The following PLEKHG7 variants were observed in gnomAD, a reference collection of about 807,000 sequenced individuals.
PLEKHG7 encodes the protein pleckstrin homology and RhoGEF domain containing G7.
A neutral mutation model predicts 85.2 loss-of-function variants in PLEKHG7; 77 were observed. The observed-to-expected ratio is 0.90, with a 90% CI of 0.75 to 1.09. The LOEUF (loss-of-function observed/expected upper bound fraction) is 1.09. Ranked by LOEUF, PLEKHG7 falls within the 50% of genes least tolerant of loss-of-function variation. The pLI, the probability that PLEKHG7 is intolerant of heterozygous loss-of-function variation, is 0.00. For missense variants in PLEKHG7, 777 were observed against 804.3 expected (o/e 0.97, Z 0.41); for synonymous variants, 301 against 302.4 (o/e 1.00, Z 0.05).
intron 1 of PLEKHG7, among the ~76,000 whole-genome samples, chr12:92,704,384 G>T (rs1405266112): frequency 6.6e-6 from 1 of 152,166 alleles, no homozygotes; most frequent in African/African-American, 2.4e-5. Context: ...TTTATCAATG[G>T]TAGGGAGGGA....
In PLEKHG7 at chr12:92,711,888, C is replaced by T. The variant is rs532847085; in HGVS notation, c.530+4216C>T. On this transcript the variant is annotated intron_variant, in intron 3 of 16. Coordinates refer to ENST00000344636, the MANE Select transcript of PLEKHG7 (RefSeq NM_001377329.1). Reference sequence around the variant, plus strand: ...CCTTTCAGGTCACTCGATAAATGGGCCAGAGTAACACACCCAAATGAGGAA... The same window carrying T: ...CCTTTCAGGTCACTCGATAAATGGGTCAGAGTAACACACCCAAATGAGGAA... Among the ~76,000 whole-genome samples the T allele has an allele frequency of 5.2e-4, 79 of 152,172 alleles. 1 individual carries two copies. The highest frequency in any genetic ancestry group is 5.3e-4 in the Non-Finnish European group (36 of 68,026).
chr12:92,729,048 T>C lies in PLEKHG7; in HGVS notation c.586T>C (p.Phe196Leu). Residue 196 changes from phenylalanine (F) to leucine (L), a missense_variant, in exon 4 of 17, where the codon TTC (phenylalanine) becomes CTC (leucine). This residue lies in a region of PLEKHG7 where 252 missense variants were observed against 241.9 expected (regional missense o/e 1.04). Transcript: ENST00000344636. ...GCTGAACTTACCTGGACTTGAGGTG[T>C]TCCCCGGGGACCTTCTGGTGTCAGA... ...VVLNLPGLEVFPGDLLVSDGA... is the reference protein window; with the variant it reads ...VVLNLPGLEVLPGDLLVSDGA... The C allele has an allele frequency of 8.1e-7, 1 of 1,231,842 alleles. No individual in the cohort carries two copies. Among genetic ancestry groups the C allele is most frequent in the Non-Finnish European group, 1.0e-6 (1 of 987,804 alleles). 76.3% of individuals were successfully genotyped at this position (1,231,842 alleles called of 1,614,324 possible).
chr12:92,739,587 A>C (rs1296099944), intron 7 of PLEKHG7, among the ~76,000 whole-genome samples: 2 of 152,202 alleles, frequency 1.3e-5, no homozygotes, highest in Non-Finnish European at 2.9e-5. Context: ...ATTTGAGCTC[A>C]CTGTCAAATA....
intron 9 of PLEKHG7, among the ~76,000 whole-genome samples, chr12:92,742,793 T>G (rs930530082): frequency 2.0e-5 from 3 of 151,592 alleles, no homozygotes; most frequent in Non-Finnish European, 4.4e-5. Context: ...ACCATGTTGG[T>G]CAGGCTGGTC....
At chr12:92,719,132 C>A (rs553769570) in intron 3 of PLEKHG7, among the ~76,000 whole-genome samples, 2 of 152,270 alleles carry the variant, frequency 1.3e-5, no homozygotes, top group South Asian at 4.2e-4. Context: ...CATACAAAAG[C>A]GCATTCCCAA....
chr12:92,707,439 C>T (rs1871269310), intron 2 of PLEKHG7: 10 of 1,431,608 alleles, frequency 7.0e-6, no homozygotes, highest in Non-Finnish European at 9.1e-6. Context: ...GCAATGGGGG[C>T]CCTCTTGCAA....
intron 15 of PLEKHG7, among the ~76,000 whole-genome samples, chr12:92,768,634 TTTA>T (rs1873292017): frequency 6.6e-6 from 1 of 152,164 alleles, no homozygotes; most frequent in Non-Finnish European, 1.5e-5. Context: ...TTTGTATATT[TTTA>T]TTATCTATAT....
chr12:92,766,997 G>T (rs1873220312), intron 15 of PLEKHG7, among the ~76,000 whole-genome samples: 1 of 152,168 alleles, frequency 6.6e-6, no homozygotes, highest in Non-Finnish European at 1.5e-5. Flanking sequence ...AAGAGTAAAT[G>T]AGGACAAGAG....
At chr12:92,738,476 C>T (rs141656457) in intron 7 of PLEKHG7, among the ~76,000 whole-genome samples, 90 of 152,330 alleles carry the variant, frequency 5.9e-4, no homozygotes, top group African/African-American at 2.1e-3. Context: ...TCCTTCATAC[C>T]CTAAACCAGG....
intron 1 of PLEKHG7, among the ~76,000 whole-genome samples, chr12:92,704,971 A>G (rs1163317158): frequency 1.2e-4 from 19 of 152,228 alleles, no homozygotes; most frequent in Non-Finnish European, 2.9e-5. Context: ...TGTCATGACA[A>G]TGTCATAACA....
At chr12:92,757,532 C>G (rs1872868306) in intron 13 of PLEKHG7, among the ~76,000 whole-genome samples, 1 of 152,160 alleles carries the variant, frequency 6.6e-6, no homozygotes, top group Non-Finnish European at 1.5e-5. Context: ...TAATCCCCAC[C>G]TGGCAGCTGT....
chr12:92,766,651 T>C (rs1049369365), intron 15 of PLEKHG7, among the ~76,000 whole-genome samples: 1 of 152,032 alleles, frequency 6.6e-6, no homozygotes, highest in African/African-American at 2.4e-5. Context: ...AAGACCAGCC[T>C]GGTCAACGTG....
intron 13 of PLEKHG7, among the ~76,000 whole-genome samples, chr12:92,759,619 G>GAC (rs1872929598): frequency 6.6e-6 from 1 of 152,226 alleles, no homozygotes; most frequent in Admixed American, 6.5e-5. Flanking sequence ...AATCAGAGCA[G>GAC]ACATCAGAGA....
intron 9 of PLEKHG7, among the ~76,000 whole-genome samples, chr12:92,744,563 A>G (rs974789179): frequency 2.0e-5 from 3 of 152,178 alleles, no homozygotes; most frequent in African/African-American, 7.2e-5. Flanking sequence ...ATTAAATAAA[A>G]ATAACGAAGA....
Position 92,755,833 on chromosome 12 carries a change from G to A in PLEKHG7, c.1435G>A (p.Glu479Lys). Residue 479 changes from glutamate to lysine, a missense_variant, in exon 12 of 17, where the codon GAA becomes AAA. Physicochemically the swap from Glu to Lys is moderately conservative, Grantham distance 56 (BLOSUM62 1). Transcript: ENST00000344636. Reference sequence around the variant, plus strand: ...TATGTCATGTCTTTCAGGGGACCTTGAAGGAAAAGTGAAGTGGCTGGACAA... The same window carrying A: ...TATGTCATGTCTTTCAGGGGACCTTAAAGGAAAAGTGAAGTGGCTGGACAA... ...EKVEKSIRDL[E>K]GKVKWLDNFQ... 6.2e-7 allele frequency: 1 copy of A among 1,610,154 alleles called. No homozygotes were observed. Among genetic ancestry groups the A allele is most frequent in the Non-Finnish European group, 8.5e-7 (1 of 1,176,984 alleles).
At chr12:92,729,189 A>G (rs1871910052) in intron 4 of PLEKHG7, 69 bp downstream of exon 4, 4 of 1,225,068 alleles carry the variant, frequency 3.3e-6, no homozygotes, top group Non-Finnish European at 4.1e-6. Context: ...ACCAGGGGGA[A>G]TTTTCAAAAT....
chr12:92,765,308 G>A lies in PLEKHG7; in HGVS notation c.1870+1114G>A, dbSNP rs1873159963. 4.9e-5 allele frequency among the ~76,000 whole-genome samples: 7 copies of A among 142,964 alleles called. No homozygotes were observed. In the South Asian group the frequency reaches 1.6e-3, roughly 33 times the overall value. 93.8% of individuals were successfully genotyped at this position (142,964 alleles called of 152,430 possible). A position where few individuals can be genotyped will look rare whatever the true frequency, so the allele number is the denominator to read the frequency against. ...TTGAGACCAGCCTGGGCAACATAGT[G>A]AGACCCAGTCTCTTATTAAAAAAAA... On this transcript the variant is annotated intron_variant, in intron 15 of 16. Transcript: ENST00000344636.
chr12:92,732,422 T>C (rs1174214653), intron 5 of PLEKHG7, 149 bp downstream of exon 5: 6 of 477,644 alleles, frequency 1.3e-5, no homozygotes, highest in Non-Finnish European at 2.0e-5. Context: ...ACATCCGTAG[T>C]ATTGGCTACG....
intron 7 of PLEKHG7, among the ~76,000 whole-genome samples, chr12:92,738,671 AG>A (rs1872255892): frequency 1.3e-5 from 2 of 152,256 alleles, no homozygotes; most frequent in Non-Finnish European, 1.5e-5. Context: ...TTAAGCTCAC[AG>A]GCTGCATACT....
Sources: gnomAD v4.1 joint callset for allele counts (sites outside exome capture counted in the v4.1 genomes callset) on GRCh38, gnomAD v4.1.1 for gene constraint, gnomAD v4.1.1 regional missense constraint, MANE v1.5 for transcripts, NCBI Gene and HGNC (gene_info 2026-07-23, HGNC 2026-07-21) for gene names.